DMRT1: variants seen among roughly 807,000 people sequenced by gnomAD.
The protein encoded by DMRT1 is doublesex and mab-3 related transcription factor 1.
Under a neutral mutation model 32.3 loss-of-function variants are expected in DMRT1, and 7 were observed. The ratio of observed to expected loss-of-function variants is 0.22; its 90% CI spans 0.12 to 0.41. The LOEUF (loss-of-function observed/expected upper bound fraction) is 0.41, where lower values mean the gene tolerates loss of function less well. DMRT1 is among the 10% of genes least tolerant of loss of function. DMRT1 has a pLI of 1.00. For missense variants in DMRT1, 625 were observed against 500.5 expected (o/e 1.25, Z -2.37); for synonymous variants, 278 against 206.1 (o/e 1.35, Z -2.99).
At chr9:923,681 C>T (rs1724840577) in intron 4 of DMRT1, among the ~76,000 whole-genome samples, 1 of 152,144 alleles carries the variant, frequency 6.6e-6, no homozygotes. Context: ...GGGGCAAAGA[C>T]TCAGAGGGCT....
intron 2 of DMRT1, among the ~76,000 whole-genome samples, chr9:852,305 A>G (rs571011257): frequency 6.7e-6 from 1 of 148,894 alleles, no homozygotes; most frequent in African/African-American, 2.5e-5. Flanking sequence ...AAAAAAAAAG[A>G]TAAATGATTT....
chr9:941,903 C>A (rs1288684206), intron 4 of DMRT1, among the ~76,000 whole-genome samples: 1 of 152,016 alleles, frequency 6.6e-6, no homozygotes, highest in East Asian at 1.9e-4. Context: ...GAGGTATTGT[C>A]CTTTTAGTAC....
chr9:896,146 T>C (rs112999106), intron 3 of DMRT1, among the ~76,000 whole-genome samples: 2 of 152,126 alleles, frequency 1.3e-5, no homozygotes, highest in African/African-American at 4.8e-5. Context: ...TTTTTTTTTT[T>C]CCAGCTCAAT....
chr9:896,302 T>C (rs1280090870), intron 3 of DMRT1, among the ~76,000 whole-genome samples: 3 of 148,232 alleles, frequency 2.0e-5, no homozygotes, highest in Non-Finnish European at 3.0e-5. Context: ...TTTTTTTTTT[T>C]TCCTGAGACA....
chr9:883,228 GA>G (rs945369675), intron 2 of DMRT1, among the ~76,000 whole-genome samples: 9 of 146,492 alleles, frequency 6.1e-5, no homozygotes, highest in African/African-American at 1.5e-4. Flanking sequence ...TTCACACCAA[GA>G]AAAAAAAAAG....
chr9:865,680 C>A (rs1815951475), intron 2 of DMRT1, among the ~76,000 whole-genome samples: 1 of 152,080 alleles, frequency 6.6e-6, no homozygotes, highest in South Asian at 2.1e-4. Context: ...GATTACATAA[C>A]CCATCACATT....
chr9:913,000 G>A (rs1818042200), intron 3 of DMRT1, among the ~76,000 whole-genome samples: 1 of 152,122 alleles, frequency 6.6e-6, no homozygotes, highest in South Asian at 2.1e-4. Flanking sequence ...TTTACAAATT[G>A]CTAGAGACTG....
At chr9:911,731 A>T (rs1019535486) in intron 3 of DMRT1, among the ~76,000 whole-genome samples, 24 of 152,136 alleles carry the variant, frequency 1.6e-4, no homozygotes, top group African/African-American at 5.5e-4. Context: ...ACCTCAGGTG[A>T]TCCACTCACC....
intron 2 of DMRT1, among the ~76,000 whole-genome samples, chr9:887,060 G>A (rs1406999780): frequency 6.6e-6 from 1 of 152,174 alleles, no homozygotes; most frequent in Non-Finnish European, 1.5e-5. Flanking sequence ...GCGTGGTGGC[G>A]GGAGCCTATA....
chr9:881,975 G>C (rs1816752300), intron 2 of DMRT1, among the ~76,000 whole-genome samples: 2 of 152,218 alleles, frequency 1.3e-5, no homozygotes, highest in South Asian at 2.1e-4. Flanking sequence ...CCGTGAGACA[G>C]GCTTTCATGG....
At chr9:902,956 A>C (rs897167892) in intron 3 of DMRT1, among the ~76,000 whole-genome samples, 1 of 152,176 alleles carries the variant, frequency 6.6e-6, no homozygotes, top group African/African-American at 2.4e-5. Flanking sequence ...CTTCTGTTTA[A>C]GGAAATGCAA....
Position 847,617 on chromosome 9 carries a change from G to A in DMRT1, c.538+474G>A, listed in dbSNP as rs115959382. Among the ~76,000 whole-genome samples, 1,371 of 152,258 alleles carry A rather than the reference G, an allele frequency of 9.0e-3. 13 individuals carry two copies. Among genetic ancestry groups the A allele is most frequent in the African/African-American group, 0.031 (1,284 of 41,566 alleles). ...ACGTTGGCTTGAATTCTCTCCCCTGGGTGCTAAGGAGGAATGTGTTCTTTT... is the reference window on the plus strand; with the variant it reads ...ACGTTGGCTTGAATTCTCTCCCCTGAGTGCTAAGGAGGAATGTGTTCTTTT... On this transcript the variant is annotated intron_variant, in intron 2 of 4. Coordinates refer to ENST00000382276, the MANE Select transcript of DMRT1 (RefSeq NM_021951.3).
intron 3 of DMRT1, among the ~76,000 whole-genome samples, chr9:913,962 C>G (rs1818081220): frequency 6.6e-6 from 1 of 152,060 alleles, no homozygotes; most frequent in African/African-American, 2.4e-5. Flanking sequence ...GAGGAAGGAT[C>G]ACGTATTCTA....
intron 2 of DMRT1, among the ~76,000 whole-genome samples, chr9:852,613 G>T (rs1564196971): frequency 6.6e-6 from 1 of 152,118 alleles, no homozygotes; most frequent in Non-Finnish European, 1.5e-5. Context: ...TCAGATGAAG[G>T]GTTGCATTGT....
intron 4 of DMRT1, among the ~76,000 whole-genome samples, chr9:918,468 C>CA (rs1818252780): frequency 6.7e-6 from 1 of 150,160 alleles, no homozygotes; most frequent in African/African-American, 2.4e-5. Context: ...GAGCGGTAGG[C>CA]ATTTGAATTT....
At chr9:913,358 A>G (rs1818055753) in intron 3 of DMRT1, among the ~76,000 whole-genome samples, 2 of 152,170 alleles carry the variant, frequency 1.3e-5, no homozygotes, top group Admixed American at 6.5e-5. Context: ...TTCACTACTC[A>G]GACTGTGTAA....
intron 2 of DMRT1, among the ~76,000 whole-genome samples, chr9:877,206 CCTT>C (rs1816540344): frequency 6.6e-6 from 1 of 152,200 alleles, no homozygotes; most frequent in South Asian, 2.1e-4. Flanking sequence ...TGTAGAATCA[CCTT>C]CTTTTAATGT....
intron 4 of DMRT1, among the ~76,000 whole-genome samples, 191 bp from the exon 5 acceptor site, chr9:967,794 A>G (rs982630006): frequency 6.6e-6 from 1 of 152,172 alleles, no homozygotes; most frequent in Non-Finnish European, 1.5e-5. Context: ...GTAGAATACT[A>G]TTTTTTTATT....
Position 916,809 on chromosome 9 carries a change from T to G in DMRT1, c.869T>G (p.Met290Arg), listed in dbSNP as rs142683885. 21 of 1,614,112 alleles carry G rather than the reference T, an allele frequency of 1.3e-5. No individual in the cohort carries two copies. The highest frequency in any genetic ancestry group is 2.2e-5 in the East Asian group (1 of 44,886). The change falls in exon 4 of 5, where the codon ATG (methionine) becomes AGG (arginine). Residue 290 changes from methionine to arginine, a missense_variant. Physicochemically the swap from Met to Arg is moderately conservative, Grantham distance 91. This residue lies in a region of DMRT1 where 416 missense variants were observed against 321.6 expected (regional missense o/e 1.29). Coordinates refer to ENST00000382276, the MANE Select transcript of DMRT1 (RefSeq NM_021951.3). ...CATGCAATGAGCTCCCAGTACAGGA[T>G]GCATTCTTACTACCCGCCTCCCTCT... is the stretch of plus-strand genomic sequence containing the variant. Reference protein sequence around the residue: ...NRHAMSSQYRMHSYYPPPSYL... With the variant: ...NRHAMSSQYRRHSYYPPPSYL...
Sources: allele counts gnomAD v4.1 joint callset (sites outside exome capture counted in the v4.1 genomes callset), GRCh38; gene constraint gnomAD v4.1.1; regional missense constraint gnomAD v4.1.1; transcripts MANE v1.5; gene names NCBI Gene and HGNC (gene_info 2026-07-23, HGNC 2026-07-21).